The following CDH4 variants were observed in gnomAD, a reference collection of about 807,000 sequenced individuals.
CDH4 encodes the protein cadherin 4, also known as cadherin-4.
CDH4 carries 33 observed loss-of-function variants against 86.0 expected under a neutral mutation model. The observed-to-expected ratio is 0.38, with a 90% CI of 0.29 to 0.51. The LOEUF (loss-of-function observed/expected upper bound fraction) is 0.51. Ranked by LOEUF, CDH4 falls within the 20% of genes least tolerant of loss-of-function variation. The pLI is 0.86. For missense variants in CDH4, 1,114 were observed against 1,307.4 expected, an observed-to-expected ratio of 0.85 and a Z score of 2.28; for synonymous variants, 555 against 549.4, an observed-to-expected ratio of 1.01 and a Z score of -0.14.
At chr20:61,484,216 C>T (rs777113923) in intron 2 of CDH4, among the ~76,000 whole-genome samples, 2 of 152,134 alleles carry the variant, frequency 1.3e-5, no homozygotes, top group Non-Finnish European at 2.9e-5. Flanking sequence ...CAGCACCTCC[C>T]CTCAGAACAA....
chr20:61,434,012 G>A (rs1007365047), intron 2 of CDH4, among the ~76,000 whole-genome samples: 4 of 152,150 alleles, frequency 2.6e-5, no homozygotes, highest in South Asian at 2.1e-4. Flanking sequence ...GTCCCATGGC[G>A]CATGGCTGAC....
At chr20:61,731,417 G>T (rs1038051174) in intron 2 of CDH4, among the ~76,000 whole-genome samples, 1 of 152,164 alleles carries the variant, frequency 6.6e-6, no homozygotes, top group Non-Finnish European at 1.5e-5. Flanking sequence ...CCCCACAGGG[G>T]TATGCTCAGT....
intron 2 of CDH4, among the ~76,000 whole-genome samples, chr20:61,337,920 A>T (rs6028124): frequency 0.57 from 87,259 of 151,918 alleles, 25,125 homozygotes; most frequent in Middle Eastern, 0.7. Context: ...AGTTTTCTCA[A>T]ACTGCAGGGG....
chr20:61,763,811 G>C (rs780375351), intron 3 of CDH4, among the ~76,000 whole-genome samples: 6 of 152,004 alleles, frequency 3.9e-5, no homozygotes, highest in Non-Finnish European at 7.4e-5. Flanking sequence ...ATAATTCCCG[G>C]CTCCTAACAG....
chr20:61,618,434 C>G (rs775153865), intron 2 of CDH4, among the ~76,000 whole-genome samples: 1 of 152,088 alleles, frequency 6.6e-6, no homozygotes, highest in African/African-American at 2.4e-5. Context: ...AAAGGACAAG[C>G]AAAAGAAGCA....
rs891346999 is a variant in CDH4, at chr20:61,516,207, G to A, written c.170-227356G>A. 2.6e-5 allele frequency among the ~76,000 whole-genome samples: 4 copies of A among 152,176 alleles called. No homozygotes were observed. The highest frequency in any genetic ancestry group is 4.4e-5 in the Non-Finnish European group (3 of 68,030). On this transcript the variant is annotated intron_variant, in intron 2 of 15. Coordinates refer to ENST00000614565, the MANE Select transcript of CDH4 (RefSeq NM_001794.5). This position sits in a 1 kb window ranked among gnomAD's most constrained non-coding sequence, Gnocchi z 4.0. The stretch of plus-strand genomic sequence containing the variant: ...CCACCTCTCTTACCCTAGAAGCTGC[G>A]GCAGGTGTCCGCCCTGGGGACTAAG...
chr20:61,544,057 G>T lies in CDH4; in HGVS notation c.170-199506G>T, dbSNP rs1045009852. Reference sequence around the variant, plus strand: ...CCCCACACCCCCGGCCCCACACCTGGCTCTTGGCACTAAGGTCCTTGGAGG... The same window carrying T: ...CCCCACACCCCCGGCCCCACACCTGTCTCTTGGCACTAAGGTCCTTGGAGG... On this transcript the variant is annotated intron_variant, in intron 2 of 15. Transcript: ENST00000614565. This position sits in a 1 kb window ranked among gnomAD's most constrained non-coding sequence, Gnocchi z 6.5. Among the ~76,000 whole-genome samples, 3 of 152,002 alleles carry T rather than the reference G, an allele frequency of 2.0e-5. No individual in the cohort carries two copies. Among genetic ancestry groups the T allele is most frequent in the African/African-American group, 4.8e-5 (2 of 41,484 alleles).
intron 2 of CDH4, among the ~76,000 whole-genome samples, chr20:61,572,388 C>T (rs2086348140): frequency 6.6e-6 from 1 of 152,158 alleles, no homozygotes; most frequent in African/African-American, 2.4e-5. Context: ...GTGGGAGACG[C>T]AAGGGAAGGG....
At chr20:61,905,802 A>C (rs1172293089) in intron 8 of CDH4, among the ~76,000 whole-genome samples, 1 of 152,138 alleles carries the variant, frequency 6.6e-6, no homozygotes. Flanking sequence ...AAAATAAGGA[A>C]GGGAATTCAG....
intron 2 of CDH4, among the ~76,000 whole-genome samples, chr20:61,360,800 C>T (rs1390038683): frequency 1.3e-5 from 2 of 152,156 alleles, no homozygotes; most frequent in Non-Finnish European, 1.5e-5. Context: ...CAGAGGCATA[C>T]GAACTCAATT....
intron 2 of CDH4, among the ~76,000 whole-genome samples, chr20:61,584,430 C>T (rs557780792): frequency 6.6e-6 from 1 of 152,246 alleles, no homozygotes; most frequent in African/African-American, 2.4e-5. Context: ...CATGCATTTC[C>T]TTCCTAGCTC....
At chr20:61,507,068 T>C (rs1387590393) in intron 2 of CDH4, among the ~76,000 whole-genome samples, 1 of 152,328 alleles carries the variant, frequency 6.6e-6, no homozygotes, top group African/African-American at 2.4e-5. Context: ...CTTTTGAGTG[T>C]TTTGTTTTCC....
chr20:61,514,306 G>GCCCCCCCCCCCC (rs1215793319), intron 2 of CDH4, among the ~76,000 whole-genome samples: 4 of 125,812 alleles, frequency 3.2e-5, no homozygotes, highest in African/African-American at 1.3e-4. Flanking sequence ...GCCTCAGTCC[G>GCCCCCCCCCCCC]CCCCCCCCGC....
chr20:61,909,624 C>T (rs964440874), intron 8 of CDH4, among the ~76,000 whole-genome samples: 62 of 152,326 alleles, frequency 4.1e-4, no homozygotes, highest in Middle Eastern at 3.4e-3. Context: ...GTCTCTGCCC[C>T]CATCTCCCAC....
chr20:61,285,009 C>G (rs867204983), intron 2 of CDH4, among the ~76,000 whole-genome samples: 5 of 152,170 alleles, frequency 3.3e-5, no homozygotes, highest in South Asian at 4.1e-4. Context: ...GGACACAGCC[C>G]CTTGCTGCTG....
intron 2 of CDH4, among the ~76,000 whole-genome samples, chr20:61,615,234 G>C (rs888445951): frequency 1.3e-5 from 2 of 151,848 alleles, no homozygotes; most frequent in Non-Finnish European, 2.9e-5. Flanking sequence ...CGATTCTCCT[G>C]TCTCAGCCTC....
chr20:61,733,920 TG>T (rs35837698), intron 2 of CDH4, among the ~76,000 whole-genome samples: 1 of 152,226 alleles, frequency 6.6e-6, no homozygotes, highest in Non-Finnish European at 1.5e-5. Flanking sequence ...ATGCCCGTCT[TG>T]GGGAGACACA....
intron 2 of CDH4, among the ~76,000 whole-genome samples, chr20:61,650,167 G>A (rs1404466068): frequency 6.6e-6 from 1 of 152,188 alleles, no homozygotes; most frequent in Non-Finnish European, 1.5e-5. Flanking sequence ...TAGATCATGT[G>A]ACTGCTTTGC....
intron 2 of CDH4, among the ~76,000 whole-genome samples, chr20:61,382,351 C>T (rs758984226): frequency 6.6e-6 from 1 of 152,134 alleles, no homozygotes; most frequent in African/African-American, 2.4e-5. Context: ...AAGAGCAGAG[C>T]GAGAGAGCCT....
Sources: gnomAD v4.1 joint callset for allele counts (sites outside exome capture counted in the v4.1 genomes callset) on GRCh38, gnomAD v4.1.1 for gene constraint, Gnocchi (gnomAD v3.1) non-coding constraint, MANE v1.5 for transcripts, NCBI Gene and HGNC (gene_info 2026-07-23, HGNC 2026-07-21) for gene names.